DYNC1I1: variants seen among roughly 807,000 people sequenced by gnomAD.
The protein encoded by DYNC1I1 is dynein cytoplasmic 1 intermediate chain 1, also known as cytoplasmic dynein 1 intermediate chain 1.
Under a neutral mutation model 86.6 loss-of-function variants are expected in DYNC1I1, and 43 were observed. The observed-to-expected ratio is 0.50, with a 90% CI of 0.39 to 0.64. The LOEUF is 0.64. DYNC1I1 is among the 30% of genes least tolerant of loss of function. The pLI is 0.00. For synonymous variants in DYNC1I1, 262 were observed against 283.7 expected (o/e 0.92, Z 0.77); for missense variants, 604 against 788.8 (o/e 0.77, Z 2.81).
At chr7:95,845,772 C>G (rs764697) in intron 5 of DYNC1I1, among the ~76,000 whole-genome samples, 6,040 of 152,200 alleles carry the variant, frequency 0.04, 417 homozygotes, top group African/African-American at 0.14. Flanking sequence ...TTGGTTTTAA[C>G]AGAACCAATC....
At chr7:95,973,807 A>G (rs1442316637) in intron 6 of DYNC1I1, among the ~76,000 whole-genome samples, 3 of 152,270 alleles carry the variant, frequency 2.0e-5, no homozygotes, top group Non-Finnish European at 4.4e-5. Flanking sequence ...ACTTGTTACT[A>G]TTTAAGCTGA....
intron 16 of DYNC1I1, among the ~76,000 whole-genome samples, chr7:96,091,785 T>C (rs568109698): frequency 2.8e-3 from 434 of 152,336 alleles, no homozygotes; most frequent in African/African-American, 9.8e-3. Context: ...TGTTTAACCC[T>C]GGTTATAAAA....
intron 5 of DYNC1I1, among the ~76,000 whole-genome samples, chr7:95,837,864 T>C (rs1425476747): frequency 3.3e-5 from 5 of 152,234 alleles, no homozygotes; most frequent in Non-Finnish European, 7.3e-5. Flanking sequence ...CTGCGTCCAC[T>C]GTCTGGCACT....
At chr7:95,949,372 G>C (rs1384306971) in intron 6 of DYNC1I1, among the ~76,000 whole-genome samples, 1 of 152,198 alleles carries the variant, frequency 6.6e-6, no homozygotes, top group Non-Finnish European at 1.5e-5. Flanking sequence ...TTACTGCCCT[G>C]GGCAGGGCCA....
chr7:96,035,558 G>T, intron 12 of DYNC1I1, 61 bp from the exon 13 acceptor site: 1 of 1,505,526 alleles, frequency 6.6e-7, no homozygotes, highest in African/African-American at 1.4e-5. Context: ...ATTTTTCCGT[G>T]CTATCTTTGG....
intron 5 of DYNC1I1, among the ~76,000 whole-genome samples, chr7:95,861,856 A>C (rs1417498904): frequency 2.6e-5 from 4 of 152,286 alleles, no homozygotes; most frequent in Non-Finnish European, 4.4e-5. Flanking sequence ...TCCATCCTTC[A>C]TCTGTGAGAT....
At chr7:95,830,564 T>C (rs572750807) in intron 5 of DYNC1I1, among the ~76,000 whole-genome samples, 18 of 152,332 alleles carry the variant, frequency 1.2e-4, no homozygotes, top group Middle Eastern at 6.8e-3. Flanking sequence ...TTTATTTCAT[T>C]GTATGGATAT....
intron 1 of DYNC1I1, among the ~76,000 whole-genome samples, chr7:95,776,490 G>C (rs955733243): frequency 2.0e-5 from 3 of 152,132 alleles, no homozygotes; most frequent in African/African-American, 7.2e-5. Context: ...AAATTTTCAT[G>C]CATTTGTGCA....
intron 2 of DYNC1I1, 61 bp downstream of exon 2, chr7:95,804,898 C>T: frequency 2.0e-6 from 3 of 1,516,646 alleles, no homozygotes; most frequent in Non-Finnish European, 2.6e-6. Context: ...TTCTGAGGGG[C>T]TGGTCAAATG....
downstream of DYNC1I1, among the ~76,000 whole-genome samples, chr7:96,101,469 C>T (rs555599360): frequency 2.0e-5 from 3 of 152,234 alleles, no homozygotes; most frequent in Admixed American, 6.5e-5. Context: ...GTGATGATCT[C>T]CCCAGTCCTT....
intron 6 of DYNC1I1, among the ~76,000 whole-genome samples, chr7:95,886,388 G>A (rs569109195): frequency 6.6e-6 from 1 of 151,946 alleles, no homozygotes; most frequent in African/African-American, 2.4e-5. Flanking sequence ...GAGCCGAGAT[G>A]GCACTACTGC....
At chr7:95,813,390 A>G (rs1421579371) in intron 4 of DYNC1I1, 53 bp downstream of exon 4, 1 of 1,567,256 alleles carries the variant, frequency 6.4e-7, no homozygotes, top group East Asian at 2.2e-5. Context: ...AAAAAAAAAA[A>G]AAACAGCAAC....
At chr7:95,926,446 ATATC>A (rs1386399543) in intron 6 of DYNC1I1, among the ~76,000 whole-genome samples, 5 of 152,222 alleles carry the variant, frequency 3.3e-5, no homozygotes, top group Non-Finnish European at 7.3e-5. Flanking sequence ...TGATAAAATG[ATATC>A]TATTTTATAC....
At chr7:96,043,452 G>A (rs1461610984) in intron 14 of DYNC1I1, among the ~76,000 whole-genome samples, 2 of 151,572 alleles carry the variant, frequency 1.3e-5, no homozygotes, top group Non-Finnish European at 2.9e-5. Context: ...CAGACCGCTG[G>A]CATATCTACG....
At chr7:95,996,131 T>C in intron 10 of DYNC1I1, 58 bp downstream of exon 10, 3 of 1,608,944 alleles carry the variant, frequency 1.9e-6, no homozygotes, top group Non-Finnish European at 2.5e-6. Flanking sequence ...ATATAGTTTG[T>C]GCTGCATTGC....
chr7:95,994,857 G>A (rs1223345646), intron 9 of DYNC1I1, among the ~76,000 whole-genome samples: 1 of 152,166 alleles, frequency 6.6e-6, no homozygotes, highest in Non-Finnish European at 1.5e-5. Context: ...AATTAATTTA[G>A]CAGGCTCTGA....
chr7:95,799,290 A>G (rs1469341746), intron 1 of DYNC1I1, among the ~76,000 whole-genome samples: 2 of 152,146 alleles, frequency 1.3e-5, no homozygotes, highest in African/African-American at 2.4e-5. Context: ...GAGGCAGGAG[A>G]GTCGCTTGAA....
intron 2 of DYNC1I1, among the ~76,000 whole-genome samples, chr7:95,805,184 AATGC>A (rs1032663873): frequency 2.0e-5 from 3 of 152,180 alleles, no homozygotes; most frequent in African/African-American, 7.2e-5. Context: ...TGAGAACAAT[AATGC>A]ATTTATTTTG....
intron 5 of DYNC1I1, among the ~76,000 whole-genome samples, chr7:95,868,501 C>T (rs1365731268): frequency 6.6e-6 from 1 of 152,146 alleles, no homozygotes. Context: ...GAATATACTT[C>T]TGTTGCTCCT....
Sources: allele counts gnomAD v4.1 joint callset (sites outside exome capture counted in the v4.1 genomes callset), GRCh38; gene constraint gnomAD v4.1.1; transcripts MANE v1.5; gene names NCBI Gene and HGNC (gene_info 2026-07-23, HGNC 2026-07-21).